The following CCHCR1 variants were observed in gnomAD, a reference collection of about 807,000 sequenced individuals.
CCHCR1 encodes coiled-coil alpha-helical rod protein 1.
CCHCR1 carries 91 observed loss-of-function variants against 114.6 expected under a neutral mutation model. The ratio of observed to expected loss-of-function variants is 0.79; its 90% CI spans 0.67 to 0.94. The LOEUF is 0.94. Ranked by LOEUF, CCHCR1 falls within the 40% of genes least tolerant of loss-of-function variation. The pLI is 0.00. For synonymous variants in CCHCR1, 379 were observed against 428.5 expected (o/e 0.88, Z 1.43); for missense variants, 899 against 1,079.9 (o/e 0.83, Z 2.35).
chr6:31,156,649 C>A (rs765018113), intron 3 of CCHCR1, 82 bp downstream of exon 3: 2 of 1,226,356 alleles, frequency 1.6e-6, no homozygotes, highest in Non-Finnish European at 2.3e-6. Context: ...AAACTAGGGC[C>A]GAAATAGGGT....
chr6:31,148,314 G>T, intron 10 of CCHCR1, 91 bp downstream of exon 10: 1 of 783,398 alleles, frequency 1.3e-6, no homozygotes, highest in Non-Finnish European at 2.2e-6. Flanking sequence ...CCACTTTCCA[G>T]CCCCTCTTGC....
Position 31,150,371 on chromosome 6 carries a change from C to A in CCHCR1, c.1212+84G>T. The A allele has an allele frequency of 7.4e-7, 1 of 1,352,662 alleles. No homozygotes were observed. Among genetic ancestry groups the A allele is most frequent in the Non-Finnish European group, 1.0e-6 (1 of 958,768 alleles). The allele number at this position is 1,352,662 out of a possible 1,614,324, so 83.8% of individuals were successfully genotyped here. A position where few individuals can be genotyped will look rare whatever the true frequency, so the allele number is the denominator to read the frequency against. ...CTAAGCAGGTTCTGGGGCACATTGA[C>A]CCCTCCTGCCCACAGGGAGGGAGGC... On this transcript the variant is annotated intron_variant, in intron 7 of 17. Coordinates refer to ENST00000396268, the MANE Select transcript of CCHCR1 (RefSeq NM_001105564.2). This position sits in a 1 kb window ranked among gnomAD's most constrained non-coding sequence, Gnocchi z 5.3.
At chr6:31,149,962 A>G (rs781278097) in intron 8 of CCHCR1, 104 bp downstream of exon 8, 1 of 1,295,892 alleles carries the variant, frequency 7.7e-7, no homozygotes, top group Non-Finnish European at 1.1e-6. Flanking sequence ...CTGTGTGCCC[A>G]GCATGTGGCA....
chr6:31,154,947 G>A lies in CCHCR1; in HGVS notation c.498-148C>T. ...GGTGCTGAAGCTGGGGTATGGGGAT[G>A]TCTGCATTGACATCATCATCATTCA... is the stretch of plus-strand genomic sequence containing the variant. On this transcript the variant is annotated intron_variant, in intron 3 of 17. Coordinates refer to ENST00000396268, the MANE Select transcript of CCHCR1 (RefSeq NM_001105564.2). The surrounding 1 kb of genome is among the most constrained non-coding windows in gnomAD (Gnocchi z 4.1). 1 of 677,682 alleles carries A rather than the reference G, an allele frequency of 1.5e-6. No homozygotes were observed. The allele number at this position is 677,682 out of a possible 1,614,324, so 42.0% of individuals were successfully genotyped here. A position where few individuals can be genotyped will look rare whatever the true frequency, so the allele number is the denominator to read the frequency against.
Position 31,154,909 on chromosome 6 carries a change from G to T in CCHCR1, c.498-110C>A. 1 of 985,482 alleles carries T rather than the reference G, an allele frequency of 1.0e-6. No individual in the cohort carries two copies. Among genetic ancestry groups the T allele is most frequent in the Non-Finnish European group, 1.5e-6 (1 of 688,562 alleles). The allele number at this position is 985,482 out of a possible 1,614,324, so 61.0% of individuals were successfully genotyped here. A position where few individuals can be genotyped will look rare whatever the true frequency, so the allele number is the denominator to read the frequency against. Reference sequence around the variant, plus strand: ...AAGAGGACCCCTCTGCTTCCGTGTGGGGAGGTGAAGGGGGTGCTGAAGCTG... The same window carrying T: ...AAGAGGACCCCTCTGCTTCCGTGTGTGGAGGTGAAGGGGGTGCTGAAGCTG... On this transcript the variant is annotated intron_variant, in intron 3 of 17. Transcript: ENST00000396268. This position sits in a 1 kb window ranked among gnomAD's most constrained non-coding sequence, Gnocchi z 4.1.
intron 4 of CCHCR1, among the ~76,000 whole-genome samples, chr6:31,152,725 C>T (rs1292104372): frequency 6.6e-6 from 1 of 152,096 alleles, no homozygotes; most frequent in African/African-American, 2.4e-5. Flanking sequence ...ATCCTTCCAC[C>T]TTGGCCTCCC....
Position 31,151,483 on chromosome 6 carries a change from C to T in CCHCR1, c.802-361G>A, listed in dbSNP as rs1356062971. Among the ~76,000 whole-genome samples the T allele has an allele frequency of 6.6e-6, 1 of 152,202 alleles. No individual in the cohort carries two copies. Among genetic ancestry groups the T allele is most frequent in the African/African-American group, 2.4e-5 (1 of 41,458 alleles). On this transcript the variant is annotated intron_variant, in intron 4 of 17. Coordinates refer to ENST00000396268, the MANE Select transcript of CCHCR1 (RefSeq NM_001105564.2). The surrounding 1 kb of genome is among the most constrained non-coding windows in gnomAD (Gnocchi z 4.1). ...CTCTCCACACCTGCAGGCCAGGGGA[C>T]CCGGCCTCTGCCTACCTCCTGAGCT...
chr6:31,145,428 T>C lies in CCHCR1; in HGVS notation c.1739+20A>G. The C allele has an allele frequency of 1.2e-6, 2 of 1,613,924 alleles. No individual in the cohort carries two copies. Among genetic ancestry groups the C allele is most frequent in the East Asian group, 4.5e-5 (2 of 44,868 alleles). On this transcript the variant is annotated intron_variant, in intron 12 of 17. Transcript: ENST00000396268. Reference sequence around the variant, plus strand: ...CCAATGCCCTAAAGCCCCATCCACCTCAAAGTGCCCAAACTTCACCTCTCC... The same window carrying C: ...CCAATGCCCTAAAGCCCCATCCACCCCAAAGTGCCCAAACTTCACCTCTCC...
intron 4 of CCHCR1, among the ~76,000 whole-genome samples, chr6:31,152,028 G>A (rs1188571022): frequency 6.6e-6 from 1 of 152,136 alleles, no homozygotes; most frequent in Non-Finnish European, 1.5e-5. Flanking sequence ...CGGGCGCAGT[G>A]GCTCATTCCT....
At position 31,157,040 on chromosome 6, in the gene CCHCR1, T is replaced by C; in HGVS notation, c.266A>G (p.Glu89Gly). ...RQNLEPSNNV[E>G]MFPPSGSTGL... ...CCACTGACCTGAAGGTGGAAACATCTCCACATTATTTGAAGGCTCTAGATT... is the reference window on the plus strand; with the variant it reads ...CCACTGACCTGAAGGTGGAAACATCCCCACATTATTTGAAGGCTCTAGATT... Residue 89 changes from glutamate to glycine, a missense_variant, in exon 2 of 18, where the codon GAG (glutamate) becomes GGG (glycine). Physicochemically the swap from Glu to Gly is moderately conservative, Grantham distance 98 (BLOSUM62 -2). Transcript: ENST00000396268. 7 of 1,612,408 alleles carry C rather than the reference T, an allele frequency of 4.3e-6. No homozygotes were observed. Among genetic ancestry groups the C allele is most frequent in the Non-Finnish European group, 5.9e-6 (7 of 1,179,678 alleles).
Position 31,148,631 on chromosome 6 carries a change from C to A in CCHCR1, c.1460G>T (p.Arg487Leu). 1.2e-6 allele frequency: 2 copies of A among 1,611,956 alleles called. No individual in the cohort carries two copies. Among genetic ancestry groups the A allele is most frequent in the African/African-American group, 1.3e-5 (1 of 75,016 alleles). ...QDKAAEVEVE[R>L]MGAKGLQLEL... ...GCTGACACCAACCTTGGCACCCATA[C>A]GCTCCACCTCCACCTCTGCGGCTTT... The change falls in exon 9 of 18, where the codon CGT becomes CTT. Residue 487 changes from arginine (R) to leucine (L), a missense_variant. Transcript: ENST00000396268.
intron 4 of CCHCR1, among the ~76,000 whole-genome samples, chr6:31,152,991 C>T (rs56205037): frequency 0.067 from 10,181 of 151,946 alleles, 364 homozygotes; most frequent in South Asian, 0.12. Flanking sequence ...TCAGCACAAA[C>T]GGTAGCTTGT....
intron 8 of CCHCR1, chr6:31,149,151 CAAA>C (rs3064836): frequency 2.7e-4 from 33 of 120,866 alleles, no homozygotes; most frequent in Non-Finnish European, 3.6e-4. Context: ...GACTCCTTCT[CAAA>C]AAAAAAAAAA....
At chr6:31,146,599 T>A (rs978270154) in intron 10 of CCHCR1, among the ~76,000 whole-genome samples, 1 of 152,088 alleles carries the variant, frequency 6.6e-6, no homozygotes, top group African/African-American at 2.4e-5. Flanking sequence ...TGCAGCTGCA[T>A]CCCCAGCAGC....
rs577062296 is a variant in CCHCR1 at position 31,148,844 on chromosome 6, G to A, written c.1363-116C>T. On this transcript the variant is annotated intron_variant, in intron 8 of 17. Coordinates refer to ENST00000396268, the MANE Select transcript of CCHCR1 (RefSeq NM_001105564.2). ...TAAGAATGCCATGCAGGGGCTGGGGGGAGGGGGGGCGGGCGACGGGGGTGG... is the reference window on the plus strand; with the variant it reads ...TAAGAATGCCATGCAGGGGCTGGGGAGAGGGGGGGCGGGCGACGGGGGTGG... 361 of 535,100 alleles carry A rather than the reference G, an allele frequency of 6.7e-4. 2 individuals are homozygous for A. The highest frequency in any genetic ancestry group is 6.5e-3 in the African/African-American group (330 of 51,148). 33.1% of individuals were successfully genotyped at this position (535,100 alleles called of 1,614,324 possible).
In CCHCR1 at chr6:31,143,220, G is replaced by C; in HGVS notation, c.2319+42C>G. Reference sequence around the variant, plus strand: ...ACCTCTAGCCCAGGAACCAGCCCAGGATGGGCCCTAGTGTCTGCCTGTCTG... The same window carrying C: ...ACCTCTAGCCCAGGAACCAGCCCAGCATGGGCCCTAGTGTCTGCCTGTCTG... On this transcript the variant is annotated intron_variant, in intron 16 of 17. Transcript: ENST00000396268. This position sits in a 1 kb window ranked among gnomAD's most constrained non-coding sequence, Gnocchi z 5.3. 1 of 1,611,464 alleles carries C rather than the reference G, an allele frequency of 6.2e-7. No homozygotes were observed.
chr6:31,143,543 C>G lies in CCHCR1; in HGVS notation c.2168-130G>C, dbSNP rs1773867182. 1.1e-6 allele frequency: 1 copy of G among 918,868 alleles called. No homozygotes were observed. Among genetic ancestry groups the G allele is most frequent in the African/African-American group, 1.7e-5 (1 of 60,062 alleles). The allele number at this position is 918,868 out of a possible 1,614,324, so 56.9% of individuals were successfully genotyped here. A position where few individuals can be genotyped will look rare whatever the true frequency, so the allele number is the denominator to read the frequency against. ...GGGGAGGCTGTTCTGCTCTGTGGAT[C>G]TGTCTCTTCTGTACAGTTGGAGGGG... On this transcript the variant is annotated intron_variant, in intron 15 of 17. Transcript: ENST00000396268. This position sits in a 1 kb window ranked among gnomAD's most constrained non-coding sequence, Gnocchi z 5.3.
intron 4 of CCHCR1, among the ~76,000 whole-genome samples, chr6:31,152,774 C>A (rs1405150554): frequency 3.3e-5 from 5 of 151,996 alleles, no homozygotes; most frequent in Non-Finnish European, 7.4e-5. Flanking sequence ...CTGTGCCCAG[C>A]CTGCTCATTG....
chr6:31,143,452 T>C lies in CCHCR1; in HGVS notation c.2168-39A>G, dbSNP rs1773854556. On this transcript the variant is annotated intron_variant, in intron 15 of 17. Transcript: ENST00000396268. The surrounding 1 kb of genome is among the most constrained non-coding windows in gnomAD (Gnocchi z 5.3). ...AAGGCACAGAGGAGGCAGGTGTGAG[T>C]CAGGCCAGAGGCAGCCAGGCACCAT... The C allele has an allele frequency of 8.7e-6, 14 of 1,606,614 alleles. No homozygotes were observed. Among genetic ancestry groups the C allele is most frequent in the Non-Finnish European group, 1.2e-5 (14 of 1,177,066 alleles).
Sources: gnomAD v4.1 joint callset for allele counts (sites outside exome capture counted in the v4.1 genomes callset) on GRCh38, gnomAD v4.1.1 for gene constraint, Gnocchi (gnomAD v3.1) non-coding constraint, MANE v1.5 for transcripts, NCBI Gene and HGNC (gene_info 2026-07-23, HGNC 2026-07-21) for gene names.